GIGYF2: variants seen among roughly 807,000 people sequenced by gnomAD.
GIGYF2 encodes the protein GRB10 interacting GYF protein 2, also known as GRB10-interacting GYF protein 2.
GIGYF2 carries 25 observed loss-of-function variants against 208.1 expected under a neutral mutation model. The observed-to-expected ratio is 0.12, with a 90% confidence interval of 0.09 to 0.17. The LOEUF (loss-of-function observed/expected upper bound fraction) is 0.17. Ranked by LOEUF, GIGYF2 falls within the 10% of genes least tolerant of loss-of-function variation. GIGYF2 has a pLI of 1.00. For synonymous variants in GIGYF2, 534 were observed against 543.8 expected (o/e 0.98, Z 0.25); for missense variants, 1,302 against 1,579.4 (o/e 0.82, Z 2.98).
chr2:232,786,696 G>T (rs551645361), intron 8 of GIGYF2, among the ~76,000 whole-genome samples: 16 of 152,172 alleles, frequency 1.1e-4, no homozygotes, highest in Admixed American at 3.3e-4. Context: ...GGAAGGATTG[G>T]CAAGATACAC....
chr2:232,848,292 C>T (rs898358797), intron 27 of GIGYF2, among the ~76,000 whole-genome samples: 3 of 152,174 alleles, frequency 2.0e-5, no homozygotes, highest in Non-Finnish European at 2.9e-5. Flanking sequence ...CACCTCACAG[C>T]CTTCCTGTGC....
Position 232,858,974 on chromosome 2 carries a change from G to C in GIGYF2, c.*2114G>C, listed in dbSNP as rs1014077566. On this transcript the variant is annotated 3_prime_UTR_variant, in exon 29 of 29. Transcript: ENST00000373563. Reference sequence around the variant, plus strand: ...CTCTGTGTGTGTATTCAGGAAAAATGAAAATAAATTTTTAAAAATTGGGAG... The same window carrying C: ...CTCTGTGTGTGTATTCAGGAAAAATCAAAATAAATTTTTAAAAATTGGGAG... The C allele has an allele frequency of 6.5e-6, 1 of 153,428 alleles. No homozygotes were observed. Among genetic ancestry groups the C allele is most frequent in the Non-Finnish European group, 1.4e-5 (1 of 68,972 alleles). The allele number at this position is 153,428 out of a possible 1,614,324, so 9.5% of individuals were successfully genotyped here.
chr2:232,764,139 G>A (rs894646386), intron 8 of GIGYF2, among the ~76,000 whole-genome samples: 1 of 152,200 alleles, frequency 6.6e-6, no homozygotes, highest in Non-Finnish European at 1.5e-5. Flanking sequence ...GAATCAAGGT[G>A]AATCGAGACC....
At chr2:232,811,211 G>T in intron 16 of GIGYF2, 33 bp from the exon 17 acceptor site, 2 of 1,166,040 alleles carry the variant, frequency 1.7e-6, no homozygotes, top group Non-Finnish European at 2.6e-6. Flanking sequence ...AGTGTGGATT[G>T]ACAGGTTATA....
chr2:232,703,083 G>A (rs1159708197), intron 1 of GIGYF2, among the ~76,000 whole-genome samples: 1 of 152,144 alleles, frequency 6.6e-6, no homozygotes, highest in Non-Finnish European at 1.5e-5. Flanking sequence ...ACTGTGCCTG[G>A]CAGTAGGTTT....
At chr2:232,753,421 G>C (rs896297801) in intron 5 of GIGYF2, among the ~76,000 whole-genome samples, 1 of 152,048 alleles carries the variant, frequency 6.6e-6, no homozygotes, top group Admixed American at 6.5e-5. Context: ...ACCATCCTTG[G>C]CCATTTTTTG....
chr2:232,734,459 T>G (rs1697644844), intron 2 of GIGYF2: 1 of 152,266 alleles, frequency 6.6e-6, no homozygotes, highest in African/African-American at 2.4e-5. Flanking sequence ...TTCTCCCATC[T>G]TGGCCTCCCA....
chr2:232,790,972 C>A (rs1700052914), intron 10 of GIGYF2, 36 bp from the exon 11 acceptor site: 1 of 1,611,960 alleles, frequency 6.2e-7, no homozygotes, highest in Non-Finnish European at 8.5e-7. Flanking sequence ...AAAGCCAAAT[C>A]TGCTGTTGAT....
chr2:232,748,130 C>T (rs980510323), intron 4 of GIGYF2, among the ~76,000 whole-genome samples: 1 of 152,116 alleles, frequency 6.6e-6, no homozygotes, highest in African/African-American at 2.4e-5. Flanking sequence ...GGAGCACCTT[C>T]GGCTATATAA....
rs757304681 is a variant in GIGYF2 at position 232,768,789 on chromosome 2, C to T, written c.532+7353C>T. 1.6e-4 allele frequency: 264 copies of T among 1,600,778 alleles called. No individual in the cohort carries two copies. Among genetic ancestry groups the T allele is most frequent in the South Asian group, 6.0e-4 (54 of 90,138 alleles). ...AATTGAAAAAGCTCGATTTTTTGGC[C>T]GGGCAATCTTCGCCACAAAAGCACC... On this transcript the variant is annotated intron_variant, in intron 8 of 28. Coordinates refer to ENST00000373563, the MANE Select transcript of GIGYF2 (RefSeq NM_001103146.3).
intron 23 of GIGYF2, among the ~76,000 whole-genome samples, chr2:232,843,295 C>T (rs1373070649): frequency 6.6e-6 from 1 of 151,948 alleles, no homozygotes; most frequent in Non-Finnish European, 1.5e-5. Context: ...CTCGGTGGCT[C>T]ACTCCTGTAA....
intron 8 of GIGYF2, chr2:232,768,307 G>A: frequency 6.2e-7 from 1 of 1,614,102 alleles, no homozygotes; most frequent in Non-Finnish European, 8.5e-7. Flanking sequence ...GGAAATTCAG[G>A]GACAGTCTTG....
At chr2:232,781,323 A>AC (rs1553613033) in intron 8 of GIGYF2, among the ~76,000 whole-genome samples, 26 of 88,322 alleles carry the variant, frequency 2.9e-4, no homozygotes, top group Non-Finnish European at 5.6e-4. Flanking sequence ...CACACACACA[A>AC]CTTATAAAGA....
intron 21 of GIGYF2, among the ~76,000 whole-genome samples, chr2:232,831,710 C>T (rs1701429257): frequency 6.6e-6 from 1 of 152,244 alleles, no homozygotes; most frequent in Non-Finnish European, 1.5e-5. Context: ...GCATACTCCT[C>T]CTCTGCCATT....
rs56777991 is a variant in GIGYF2, at chr2:232,770,678, A to C, written c.532+9242A>C. On this transcript the variant is annotated intron_variant, in intron 8 of 28. Transcript: ENST00000373563. Reference sequence around the variant, plus strand: ...CTGATCTCTTTTTTCTTAAGTAGTTACAGTAAGTAAAATTTTGGCATTGAG... The same window carrying C: ...CTGATCTCTTTTTTCTTAAGTAGTTCCAGTAAGTAAAATTTTGGCATTGAG... Among the ~76,000 whole-genome samples, 51,585 of 151,426 alleles carry C rather than the reference A, an allele frequency of 0.34. 9,081 individuals are homozygous for C. Among genetic ancestry groups the C allele is most frequent in the South Asian group, 0.62 (2,989 of 4,800 alleles).
intron 9 of GIGYF2, chr2:232,788,539 AGGATCTG>A (rs1004019321): frequency 2.1e-6 from 1 of 470,238 alleles, no homozygotes; most frequent in Admixed American, 2.4e-5. Flanking sequence ...AAGAATGGAT[AGGATCTG>A]GGCTGAGAGA....
intron 6 of GIGYF2, among the ~76,000 whole-genome samples, chr2:232,759,357 C>G (rs1698661711): frequency 6.6e-6 from 1 of 151,068 alleles, no homozygotes; most frequent in South Asian, 2.1e-4. Context: ...TGGACCCCCA[C>G]CCCTCCTCCC....
chr2:232,844,939 A>G (rs893984584), intron 25 of GIGYF2, among the ~76,000 whole-genome samples: 1 of 152,232 alleles, frequency 6.6e-6, no homozygotes, highest in African/African-American at 2.4e-5. Flanking sequence ...TGCTATTAAT[A>G]TGAGTATTAT....
chr2:232,809,268 A>G (rs1201652040), intron 15 of GIGYF2, among the ~76,000 whole-genome samples: 1 of 152,170 alleles, frequency 6.6e-6, no homozygotes, highest in East Asian at 1.9e-4. Flanking sequence ...AACATCTTTA[A>G]GATACATACT....
Sources: allele counts gnomAD v4.1 joint callset (sites outside exome capture counted in the v4.1 genomes callset), GRCh38; gene constraint gnomAD v4.1.1; transcripts MANE v1.5; gene names NCBI Gene and HGNC (gene_info 2026-07-23, HGNC 2026-07-21).